The following ACADM variants were observed in gnomAD, a reference collection of about 807,000 sequenced individuals.
ACADM encodes acyl-CoA dehydrogenase medium chain.
In ACADM, 49 loss-of-function variants were observed where a neutral mutation model predicts 58.9. The observed-to-expected ratio is 0.83, with a 90% confidence interval of 0.66 to 1.06. The LOEUF is 1.06. Ranked by LOEUF, ACADM falls within the 50% of genes least tolerant of loss-of-function variation. The probability of loss-of-function intolerance (pLI) is 0.00; values close to 1 mark genes in which losing one functional copy is unlikely to be tolerated. For missense variants in ACADM, 496 were observed against 507.0 expected (o/e 0.98, Z 0.21); for synonymous variants, 160 against 157.7 (o/e 1.01, Z -0.11).
chr1:75,725,637 A>G (rs1557438785), intron 1 of ACADM, among the ~76,000 whole-genome samples: 1 of 152,180 alleles, frequency 6.6e-6, no homozygotes, highest in African/African-American at 2.4e-5. Context: ...CTCTTCTTTA[A>G]CCCATAAAAC....
Position 75,740,001 on chromosome 1 carries a change from G to A in ACADM, c.490G>A (p.Gly164Arg). ...LMCAYCVTEPGAGSDVAGIKT... is the reference protein window; with the variant it reads ...LMCAYCVTEPRAGSDVAGIKT... The stretch of plus-strand genomic sequence containing the variant: ...CAAGGCTTATTGTGTAACAGAACCT[G>A]GAGCAGGCTCTGATGTAGCTGGTAT... Residue 164 changes from glycine (G) to arginine (R), a missense_variant, in exon 7 of 12, where the codon GGA becomes AGA. Gly to Arg is a moderately radical substitution (Grantham distance 125, BLOSUM62 -2). Coordinates refer to ENST00000370841, the MANE Select transcript of ACADM (RefSeq NM_000016.6). 6.2e-7 allele frequency: 1 copy of A among 1,612,132 alleles called. No homozygotes were observed. Among genetic ancestry groups the A allele is most frequent in the Non-Finnish European group, 8.5e-7 (1 of 1,178,670 alleles).
chr1:75,731,600 T>C (rs1462107029), intron 2 of ACADM, among the ~76,000 whole-genome samples: 2 of 152,242 alleles, frequency 1.3e-5, no homozygotes, highest in Admixed American at 6.5e-5. Flanking sequence ...CAATCCCTTA[T>C]TTTATGTAAA....
chr1:75,735,060 C>T (rs1020524385), intron 6 of ACADM, among the ~76,000 whole-genome samples, 189 bp downstream of exon 6: 1 of 152,102 alleles, frequency 6.6e-6, no homozygotes, highest in Non-Finnish European at 1.5e-5. Flanking sequence ...TGGCTCGCAC[C>T]TGTAATCCCA....
At chr1:75,742,458 C>T (rs1647631625) in intron 7 of ACADM, among the ~76,000 whole-genome samples, 1 of 152,206 alleles carries the variant, frequency 6.6e-6, no homozygotes, top group African/African-American at 2.4e-5. Flanking sequence ...CAGGAAGGAA[C>T]AAGAACTGCC....
Position 75,761,984 on chromosome 1 carries a change from C to T in ACADM, c.1194+614C>T, listed in dbSNP as rs528020801. Among the ~76,000 whole-genome samples the T allele has an allele frequency of 1.2e-4, 18 of 152,292 alleles. No individual in the cohort carries two copies. In the East Asian group the frequency reaches 2.5e-3, roughly 21 times the overall value. ...ATCCAGTCATTGGAAATACTGAGTT[C>T]GAATCAAAATGCTGGAGTGAGAAGG... On this transcript the variant is annotated intron_variant, in intron 11 of 11. Transcript: ENST00000370841.
chr1:75,752,351 A>G (rs1166446144), intron 10 of ACADM, among the ~76,000 whole-genome samples: 1 of 152,234 alleles, frequency 6.6e-6, no homozygotes, highest in Non-Finnish European at 1.5e-5. Context: ...TTTGTAAAAT[A>G]TAAGAATGTC....
chr1:75,734,436 A>G (rs935455277), intron 5 of ACADM, among the ~76,000 whole-genome samples: 2 of 151,662 alleles, frequency 1.3e-5, no homozygotes, highest in African/African-American at 2.4e-5. Context: ...CGGCCTCCCA[A>G]AGTGCTGGGA....
chr1:75,749,868 C>A (rs781663166), intron 9 of ACADM, among the ~76,000 whole-genome samples: 10 of 151,622 alleles, frequency 6.6e-5, no homozygotes, highest in Non-Finnish European at 1.5e-4. Context: ...GCACACCACT[C>A]TGCCCAGCTA....
chr1:75,731,594 C>A (rs1362409118), intron 2 of ACADM, among the ~76,000 whole-genome samples: 4 of 152,200 alleles, frequency 2.6e-5, no homozygotes, highest in Non-Finnish European at 5.9e-5. Flanking sequence ...TTAAAACAAT[C>A]CCTTATTTTA....
intron 7 of ACADM, among the ~76,000 whole-genome samples, chr1:75,740,608 G>A (rs368198253): frequency 1.0e-3 from 155 of 151,756 alleles, no homozygotes; most frequent in South Asian, 4.2e-3. Context: ...GTTCAACAAA[G>A]GATCAAAAAT....
chr1:75,736,452 A>AT (rs11306077), intron 6 of ACADM, among the ~76,000 whole-genome samples: 43 of 146,766 alleles, frequency 2.9e-4, no homozygotes, highest in Admixed American at 3.3e-4. Flanking sequence ...GAAATTTGCA[A>AT]TTTTTTTTAA....
intron 9 of ACADM, among the ~76,000 whole-genome samples, chr1:75,749,918 G>A (rs1044211412): frequency 1.3e-5 from 2 of 151,670 alleles, no homozygotes; most frequent in Non-Finnish European, 2.9e-5. Flanking sequence ...TCATGATGTT[G>A]GCCAGGATGG....
At chr1:75,742,432 A>C (rs898665028) in intron 7 of ACADM, among the ~76,000 whole-genome samples, 6 of 152,182 alleles carry the variant, frequency 3.9e-5, no homozygotes, top group Non-Finnish European at 5.9e-5. Context: ...GGAAGAGACA[A>C]GGCCCCACTA....
intron 1 of ACADM, among the ~76,000 whole-genome samples, chr1:75,726,366 C>CAAA (rs3831899): frequency 0.6 from 86,132 of 142,804 alleles, 26,081 homozygotes; most frequent in South Asian, 0.71. Flanking sequence ...GAGACTCTGT[C>CAAA]AAAAAAAAAA....
At chr1:75,738,616 T>A (rs1488953850) in intron 6 of ACADM, among the ~76,000 whole-genome samples, 2 of 152,166 alleles carry the variant, frequency 1.3e-5, no homozygotes, top group South Asian at 2.1e-4. Context: ...TGTATATTTT[T>A]AAAAAATAAA....
At chr1:75,757,459 T>G (rs1281311153) in intron 10 of ACADM, among the ~76,000 whole-genome samples, 5 of 152,160 alleles carry the variant, frequency 3.3e-5, no homozygotes, top group South Asian at 2.1e-4. Flanking sequence ...GAAAAAATGC[T>G]CATCATCACT....
rs1225359670 is a variant in ACADM at position 75,751,077 on chromosome 1, C to T, written c.945+531C>T. On this transcript the variant is annotated intron_variant, in intron 10 of 11. Coordinates refer to ENST00000370841, the MANE Select transcript of ACADM (RefSeq NM_000016.6). Reference sequence around the variant, plus strand: ...TATTTTCTAGCCGGGCGCGGTGGATCACGCCTGTAATCCCAGCACTTTGGG... The same window carrying T: ...TATTTTCTAGCCGGGCGCGGTGGATTACGCCTGTAATCCCAGCACTTTGGG... 2.0e-5 allele frequency among the ~76,000 whole-genome samples: 3 copies of T among 150,374 alleles called. No homozygotes were observed. In the East Asian group the frequency reaches 6.2e-4, roughly 31 times the overall value.
intron 7 of ACADM, 37 bp from the exon 8 acceptor site, chr1:75,745,769 G>T: frequency 7.0e-7 from 1 of 1,437,964 alleles, no homozygotes; most frequent in South Asian, 1.1e-5. Flanking sequence ...GTTATTTGCC[G>T]ATATTATCAC....
chr1:75,724,725 C>G lies in ACADM; in HGVS notation c.-63C>G. The G allele has an allele frequency of 6.5e-7, 1 of 1,533,898 alleles. No homozygotes were observed. On this transcript the variant is annotated 5_prime_UTR_variant, in exon 1 of 12. Transcript: ENST00000370841. ...GGCGGGACCAGAGGAGTCCCGCGTT[C>G]GGGGAGTATGTCAAGGCCGTGACCC... is the stretch of plus-strand genomic sequence containing the variant.
Sources: allele counts gnomAD v4.1 joint callset (sites outside exome capture counted in the v4.1 genomes callset), GRCh38; gene constraint gnomAD v4.1.1; transcripts MANE v1.5; gene names NCBI Gene and HGNC (gene_info 2026-07-23, HGNC 2026-07-21).